The following BACH2 variants were observed in gnomAD, a reference collection of about 807,000 sequenced individuals.
BACH2 encodes the protein BACH transcriptional regulator 2, also known as transcription regulator protein BACH2.
A neutral mutation model predicts 61.8 loss-of-function variants in BACH2; 5 were observed. The observed-to-expected ratio is 0.08, with a 90% CI of 0.04 to 0.17. The LOEUF (loss-of-function observed/expected upper bound fraction) is 0.17. Among genes scored for constraint, BACH2 ranks in the 10% least tolerant of loss-of-function variants. The pLI is 1.00. For missense variants in BACH2, 824 were observed against 1,091.1 expected (o/e 0.76, Z 3.45); for synonymous variants, 446 against 440.1 (o/e 1.01, Z -0.17).
chr6:90,167,311 T>C (rs1228359725), intron 4 of BACH2, among the ~76,000 whole-genome samples: 1 of 152,182 alleles, frequency 6.6e-6, no homozygotes, highest in Non-Finnish European at 1.5e-5. Context: ...TCCTATTCCC[T>C]AGGTGGGTGT....
rs1048789611 is a variant in BACH2 at position 90,234,107 on chromosome 6, C to G, written c.-275+18406G>C. 3.9e-5 allele frequency among the ~76,000 whole-genome samples: 6 copies of G among 152,326 alleles called. No individual in the cohort carries two copies. In the South Asian group the frequency reaches 1.2e-3, roughly 32 times the overall value. On this transcript the variant is annotated intron_variant, in intron 3 of 8. Coordinates refer to ENST00000257749, the MANE Select transcript of BACH2 (RefSeq NM_021813.4). ...GCAACACTGAGGCCAGCATCAGGGT[C>G]TTCTGGGCTGTGCGGATTGGGGAGC...
Position 89,930,114 on chromosome 6 carries a change from GACACACACACACACACACACACACACAC to G in BACH2, c.*2266_*2293del, listed in dbSNP as rs55909084. ...CAGAGCTTTATCAAGATCTGTTTCA[GACACACACACACACACACACACACACAC>G]ACACACACACACACACACACACAAA... On this transcript the variant is annotated 3_prime_UTR_variant, in exon 9 of 9. Coordinates refer to ENST00000257749, the MANE Select transcript of BACH2 (RefSeq NM_021813.4). The G allele has an allele frequency of 1.3e-4, 15 of 118,982 alleles. No homozygotes were observed. Among genetic ancestry groups the G allele is most frequent in the Admixed American group, 6.1e-4 (7 of 11,458 alleles). 7.4% of individuals were successfully genotyped at this position (118,982 alleles called of 1,614,324 possible).
chr6:90,133,745 A>T lies in BACH2; in HGVS notation c.-161-44636T>A, dbSNP rs550511637. Reference sequence around the variant, plus strand: ...TGTGATGTTCCCCTTCCTGTGTCCAAGTGTTCTCATTGTTCAATTCCCACC... The same window carrying T: ...TGTGATGTTCCCCTTCCTGTGTCCATGTGTTCTCATTGTTCAATTCCCACC... On this transcript the variant is annotated intron_variant, in intron 4 of 8. Transcript: ENST00000257749. Among the ~76,000 whole-genome samples, 59 of 152,082 alleles carry T rather than the reference A, an allele frequency of 3.9e-4. 1 individual carries two copies. In the South Asian group the frequency reaches 0.011, roughly 28 times the overall value.
intron 4 of BACH2, among the ~76,000 whole-genome samples, chr6:90,139,584 C>G (rs536458541): frequency 3.3e-4 from 51 of 152,338 alleles, no homozygotes; most frequent in African/African-American, 1.1e-3. Flanking sequence ...AATAATCTCC[C>G]TCCCTTTTTT....
chr6:90,112,817 T>G (rs541387013), intron 4 of BACH2, among the ~76,000 whole-genome samples: 43 of 152,152 alleles, frequency 2.8e-4, no homozygotes, highest in African/African-American at 1.0e-3. Context: ...GCAAGCTGGA[T>G]AGAAAAGCAA....
At chr6:90,030,785 G>A (rs1268866014) in intron 5 of BACH2, among the ~76,000 whole-genome samples, 1 of 151,862 alleles carries the variant, frequency 6.6e-6, no homozygotes, top group Non-Finnish European at 1.5e-5. Flanking sequence ...ACAAGGAGGG[G>A]CTGGTACCAT....
intron 5 of BACH2, among the ~76,000 whole-genome samples, chr6:90,052,601 A>G (rs1304425876): frequency 6.6e-6 from 1 of 152,098 alleles, no homozygotes; most frequent in Non-Finnish European, 1.5e-5. Context: ...TCATATTTTT[A>G]GTAGAGACAG....
chr6:90,040,255 G>A (rs1351741744), intron 5 of BACH2, among the ~76,000 whole-genome samples: 1 of 152,032 alleles, frequency 6.6e-6, no homozygotes, highest in African/African-American at 2.4e-5. Context: ...TTATCTTGGT[G>A]TAAATATGAA....
intron 4 of BACH2, among the ~76,000 whole-genome samples, chr6:90,139,202 TTC>T (rs1454631014): frequency 1.3e-5 from 2 of 152,232 alleles, no homozygotes; most frequent in East Asian, 1.9e-4. Flanking sequence ...TCTGGAATTT[TTC>T]TCTTTTTATC....
chr6:90,111,361 T>C (rs962769564), intron 4 of BACH2, among the ~76,000 whole-genome samples: 2 of 152,222 alleles, frequency 1.3e-5, no homozygotes, highest in African/African-American at 4.8e-5. Flanking sequence ...CCAGATAATC[T>C]TTTAAAAATG....
intron 5 of BACH2, among the ~76,000 whole-genome samples, chr6:90,085,546 C>A (rs1033958539): frequency 6.6e-6 from 1 of 152,186 alleles, no homozygotes; most frequent in East Asian, 1.9e-4. Context: ...TTAGTAGAGA[C>A]CACAGTTGTT....
chr6:90,114,488 A>C (rs939992567), intron 4 of BACH2, among the ~76,000 whole-genome samples: 9 of 152,202 alleles, frequency 5.9e-5, no homozygotes, highest in African/African-American at 2.2e-4. Flanking sequence ...AAAAACTCTG[A>C]ATAAACTAGG....
At position 90,183,776 on chromosome 6, in the gene BACH2, A is replaced by G. The variant is rs564006258; in HGVS notation, c.-162+22793T>C. ...TGGGTTCTGTTAGCTGTCAAGGTTT[A>G]CTAAGCTGAGTTAGTTAATGAGTGA... is the stretch of plus-strand genomic sequence containing the variant. On this transcript the variant is annotated intron_variant, in intron 4 of 8. Transcript: ENST00000257749. Among the ~76,000 whole-genome samples the G allele has an allele frequency of 5.6e-4, 85 of 152,306 alleles. 2 individuals are homozygous for G. The South Asian group carries it at 0.017, about 31-fold the overall frequency.
intron 4 of BACH2, among the ~76,000 whole-genome samples, chr6:90,152,324 TCAG>T (rs1487335005): frequency 1.3e-5 from 2 of 152,224 alleles, no homozygotes; most frequent in African/African-American, 4.8e-5. Context: ...AGGTAACTCT[TCAG>T]CAGTAATGCT....
At chr6:90,157,843 C>G (rs1241698627) in intron 4 of BACH2, among the ~76,000 whole-genome samples, 1 of 152,138 alleles carries the variant, frequency 6.6e-6, no homozygotes, top group Non-Finnish European at 1.5e-5. Context: ...ACTATATGTC[C>G]ACTCCTGTAC....
intron 4 of BACH2, among the ~76,000 whole-genome samples, chr6:90,125,130 T>C (rs1783792493): frequency 6.6e-6 from 1 of 152,026 alleles, no homozygotes; most frequent in African/African-American, 2.4e-5. Flanking sequence ...TTTAGAAATA[T>C]GGTTTAGTCA....
rs1283683642 is a variant in BACH2 at position 89,951,446 on chromosome 6, T to G, written c.660A>C (p.Ser220=). Residue 220 remains serine (S), a synonymous_variant, in exon 7 of 9, where the codon TCA becomes TCC. Transcript: ENST00000257749. The surrounding 1 kb of genome is among the most constrained non-coding windows in gnomAD (Gnocchi z 6.4). ...GGTACTGCGTTAACGCGTCCTTTTC[T>G]GAGCTCTCCTTGGTGTCTGTGGGCA... ...PDVPTDTKES[S]EKDALTQYPR... is the part of the protein sequence containing the mutation. 1 of 1,614,252 alleles carries G rather than the reference T, an allele frequency of 6.2e-7. No homozygotes were observed. Among genetic ancestry groups the G allele is most frequent in the East Asian group, 2.2e-5 (1 of 44,890 alleles).
chr6:90,161,086 CAAAAAAAA>C (rs11390042), intron 4 of BACH2, among the ~76,000 whole-genome samples: 1 of 105,224 alleles, frequency 9.5e-6, no homozygotes, highest in African/African-American at 3.5e-5. Flanking sequence ...GACTCCGTCT[CAAAAAAAA>C]AAAAAAAAAA....
rs1784962526 is a variant in BACH2, at chr6:90,155,371, C to G, written c.-162+51198G>C. Among the ~76,000 whole-genome samples the G allele has an allele frequency of 2.0e-5, 3 of 152,178 alleles. No homozygotes were observed. In the South Asian group the frequency reaches 6.2e-4, roughly 32 times the overall value. On this transcript the variant is annotated intron_variant, in intron 4 of 8. Coordinates refer to ENST00000257749, the MANE Select transcript of BACH2 (RefSeq NM_021813.4). Reference sequence around the variant, plus strand: ...GGCAGTAGGTGTCAGCGATATGTTCCATTCGAAGACTATATAATAAACATC... The same window carrying G: ...GGCAGTAGGTGTCAGCGATATGTTCGATTCGAAGACTATATAATAAACATC...
Sources: gnomAD v4.1 joint callset for allele counts (sites outside exome capture counted in the v4.1 genomes callset) on GRCh38, gnomAD v4.1.1 for gene constraint, Gnocchi (gnomAD v3.1) non-coding constraint, MANE v1.5 for transcripts, NCBI Gene and HGNC (gene_info 2026-07-23, HGNC 2026-07-21) for gene names.